The following RUVBL1 variants were observed in gnomAD, a reference collection of about 807,000 sequenced individuals.
The protein encoded by RUVBL1 is ruvB-like 1.
RUVBL1 carries 4 observed loss-of-function variants against 52.4 expected under a neutral mutation model. That is an observed-to-expected ratio of 0.08 (90% CI 0.04 to 0.17). The LOEUF is 0.17. RUVBL1 is among the 10% of genes least tolerant of loss of function. The probability of loss-of-function intolerance (pLI) is 1.00; values close to 1 mark genes in which losing one functional copy is unlikely to be tolerated. For synonymous variants in RUVBL1, 217 were observed against 214.4 expected, an observed-to-expected ratio of 1.01 and a Z score of -0.10; for missense variants, 298 against 572.8, an observed-to-expected ratio of 0.52 and a Z score of 4.90.
chr3:128,116,525 T>A (rs1357685728), intron 2 of RUVBL1, among the ~76,000 whole-genome samples: 2 of 141,606 alleles, frequency 1.4e-5, no homozygotes, highest in African/African-American at 5.4e-5. Context: ...CGAGACTTCA[T>A]CTCAAAAAAA....
At chr3:128,109,091 G>A (rs1420667066) in intron 3 of RUVBL1, among the ~76,000 whole-genome samples, 1 of 152,202 alleles carries the variant, frequency 6.6e-6, no homozygotes, top group African/African-American at 2.4e-5. Context: ...ATGGCACATT[G>A]TGGGTCCCAC....
At chr3:128,126,040 A>G (rs905529912), upstream of RUVBL1, among the ~76,000 whole-genome samples, 3 of 152,224 alleles carry the variant, frequency 2.0e-5, no homozygotes, top group Non-Finnish European at 4.4e-5. Flanking sequence ...TCAGGATTTT[A>G]GAGCACAGAG....
intron 1 of RUVBL1, 131 bp downstream of exon 1, chr3:128,123,453 T>G: frequency 3.3e-6 from 4 of 1,195,374 alleles, no homozygotes; most frequent in Non-Finnish European, 4.5e-6. Context: ...TGGCCCATTT[T>G]CACTTCCCTG....
intron 1 of RUVBL1, among the ~76,000 whole-genome samples, chr3:128,121,006 A>T (rs985933600): frequency 6.6e-6 from 1 of 152,116 alleles, no homozygotes; most frequent in African/African-American, 2.4e-5. Context: ...GATGTAAGCA[A>T]TGTGTGTGGG....
At chr3:128,127,172 T>A (rs72970114), upstream of RUVBL1, among the ~76,000 whole-genome samples, 425 of 152,358 alleles carry the variant, frequency 2.8e-3, 2 homozygotes, top group African/African-American at 9.6e-3. Flanking sequence ...CAGAAAGAGA[T>A]TCCCGATGAA....
intron 1 of RUVBL1, among the ~76,000 whole-genome samples, chr3:128,122,370 G>T (rs1943669572): frequency 1.3e-5 from 2 of 152,178 alleles, no homozygotes; most frequent in South Asian, 4.1e-4. Flanking sequence ...TAGAATTTAG[G>T]CACACAAGTA....
chr3:128,133,300 G>A (rs546107490), intron 1 of RUVBL1, among the ~76,000 whole-genome samples: 12 of 152,368 alleles, frequency 7.9e-5, no homozygotes, highest in Non-Finnish European at 1.5e-4. Flanking sequence ...TGGACCTGCC[G>A]TGGGCTGGGG....
chr3:128,083,280 T>C (rs1942537230), intron 9 of RUVBL1: 1 of 152,272 alleles, frequency 6.6e-6, no homozygotes. Flanking sequence ...GGAGCTGAGA[T>C]AACTGCAGGA....
chr3:128,133,271 A>G (rs1943907076), intron 1 of RUVBL1, among the ~76,000 whole-genome samples: 1 of 152,248 alleles, frequency 6.6e-6, no homozygotes. Flanking sequence ...TCCAGGCCCC[A>G]GCTCCTGGAT....
chr3:128,079,415 T>C (rs1942412561), downstream of RUVBL1, among the ~76,000 whole-genome samples: 2 of 152,204 alleles, frequency 1.3e-5, no homozygotes, highest in African/African-American at 4.8e-5. Context: ...TCTGTGGAAG[T>C]GGTCTTGGAA....
In RUVBL1 at chr3:128,081,537, G is replaced by C. The variant is rs1470968696; in HGVS notation, c.1212-128C>G. ...GTGCTGGGCTTGTGCCAGCTGCTAC[G>C]AACACAGAAAAGGGGAGACAAAGTT... On this transcript the variant is annotated intron_variant, in intron 10 of 10. Coordinates refer to ENST00000322623, the MANE Select transcript of RUVBL1 (RefSeq NM_003707.3). This position sits in a 1 kb window ranked among gnomAD's most constrained non-coding sequence, Gnocchi z 4.8. 7.4e-5 allele frequency: 71 copies of C among 954,536 alleles called. No individual in the cohort carries two copies. 59.1% of individuals were successfully genotyped at this position (954,536 alleles called of 1,614,324 possible). A position where few individuals can be genotyped will look rare whatever the true frequency, so the allele number is the denominator to read the frequency against.
At chr3:128,149,374 G>A (rs1416660427) in intron 1 of RUVBL1, among the ~76,000 whole-genome samples, 3 of 151,932 alleles carry the variant, frequency 2.0e-5, no homozygotes, top group African/African-American at 7.2e-5. Flanking sequence ...TAGTAGAGAC[G>A]GGGTTTTGCC....
At chr3:128,069,708 G>A (rs756025949) in intron 9 of RUVBL1, 40 of 1,557,814 alleles carry the variant, frequency 2.6e-5, no homozygotes, top group South Asian at 1.6e-4. Context: ...GAAGCGCCTC[G>A]GAAGGGGAGC....
chr3:128,104,970 C>G (rs899091124), intron 3 of RUVBL1, 46 bp from the exon 4 acceptor site: 1 of 1,569,020 alleles, frequency 6.4e-7, no homozygotes, highest in Non-Finnish European at 8.7e-7. Flanking sequence ...AGAATCTTTT[C>G]TCTCACACTG....
chr3:128,074,838 G>A (rs1300237459), intron 9 of RUVBL1, among the ~76,000 whole-genome samples: 5 of 61,180 alleles, frequency 8.2e-5, no homozygotes, highest in African/African-American at 1.6e-4. Flanking sequence ...GCGAAACTCC[G>A]TCTCAAAAAA....
chr3:128,152,893 C>CTCGCCCCCCCCCCGCCCCCCATCCT (rs1944252016), intron 1 of RUVBL1, among the ~76,000 whole-genome samples: 1 of 29,770 alleles, frequency 3.4e-5, no homozygotes. Flanking sequence ...CCCCCTCCCC[C>CTCGCCCCCCCCCCGCCCCCCATCCT]ACGTCCCCCC....
At chr3:128,094,697 T>C (rs1942929076) in intron 8 of RUVBL1, among the ~76,000 whole-genome samples, 1 of 152,084 alleles carries the variant, frequency 6.6e-6, no homozygotes, top group Non-Finnish European at 1.5e-5. Context: ...CCATGTAGAG[T>C]GCTCTGTATA....
At chr3:128,079,610 C>CACATGCACAGCT (rs1339340613), downstream of RUVBL1, among the ~76,000 whole-genome samples, 2 of 152,194 alleles carry the variant, frequency 1.3e-5, no homozygotes, top group African/African-American at 4.8e-5. Flanking sequence ...CGGCATGGGC[C>CACATGCACAGCT]ACATGCACAG....
In RUVBL1 at chr3:128,143,441, G is replaced by A. The variant is rs368825072; in HGVS notation, c.-40+9762C>T. ...CCTTCTCAGCCTCCCAAAGTGCTGGGATTACAGGCGTGAGCCACAGTGCCC... is the reference window on the plus strand; with the variant it reads ...CCTTCTCAGCCTCCCAAAGTGCTGGAATTACAGGCGTGAGCCACAGTGCCC... On this transcript the variant is annotated intron_variant, in intron 1 of 9. Transcript: ENST00000464873. 7.2e-5 allele frequency among the ~76,000 whole-genome samples: 11 copies of A among 152,282 alleles called. No homozygotes were observed. The East Asian group carries it at 1.9e-3, about 27-fold the overall frequency.
Sources: allele counts gnomAD v4.1 joint callset (sites outside exome capture counted in the v4.1 genomes callset), GRCh38; gene constraint gnomAD v4.1.1; non-coding constraint Gnocchi (gnomAD v3.1); transcripts MANE v1.5; gene names NCBI Gene and HGNC (gene_info 2026-07-23, HGNC 2026-07-21).